Variants in MARCHF1 observed in about 807,000 individuals in gnomAD.
MARCHF1 encodes membrane associated ring-CH-type finger 1.
MARCHF1 carries 40 observed loss-of-function variants against 54.2 expected under a neutral mutation model. That is an observed-to-expected ratio of 0.74 (90% CI 0.57 to 0.96). The LOEUF (loss-of-function observed/expected upper bound fraction) is 0.96. Ranked by LOEUF, MARCHF1 falls within the 40% of genes least tolerant of loss-of-function variation. The pLI, the probability that MARCHF1 is intolerant of heterozygous loss-of-function variation, is 0.00. For missense variants in MARCHF1, 586 were observed against 656.5 expected (o/e 0.89, Z 1.17); for synonymous variants, 236 against 236.3 (o/e 1.00, Z 0.01).
At chr4:163,607,110 A>G (rs1039337496) in intron 7 of MARCHF1, among the ~76,000 whole-genome samples, 1 of 152,046 alleles carries the variant, frequency 6.6e-6, no homozygotes, top group African/African-American at 2.4e-5. Flanking sequence ...AGAGAACCAC[A>G]TTGTTTCTGG....
intron 2 of MARCHF1, among the ~76,000 whole-genome samples, chr4:164,010,348 C>T (rs1286016275): frequency 4.6e-5 from 7 of 151,808 alleles, no homozygotes; most frequent in East Asian, 3.9e-4. Context: ...CTGCCAGCCT[C>T]GGCCTCCCAA....
chr4:163,820,731 C>A (rs1248849290), intron 4 of MARCHF1, among the ~76,000 whole-genome samples: 3 of 151,972 alleles, frequency 2.0e-5, no homozygotes, highest in Admixed American at 1.3e-4. Flanking sequence ...TACATTCAAT[C>A]CATCACTAAA....
intron 5 of MARCHF1, among the ~76,000 whole-genome samples, chr4:163,646,836 G>A (rs954931307): frequency 3.3e-5 from 5 of 152,026 alleles, no homozygotes; most frequent in Admixed American, 1.3e-4. Context: ...GATAGCAAGA[G>A]AGGAAGAAAA....
At chr4:163,685,756 T>G (rs1298091616) in intron 5 of MARCHF1, among the ~76,000 whole-genome samples, 1 of 152,166 alleles carries the variant, frequency 6.6e-6, no homozygotes, top group Non-Finnish European at 1.5e-5. Flanking sequence ...ACCCGGCCAA[T>G]TCTCCAATTA....
intron 7 of MARCHF1, among the ~76,000 whole-genome samples, chr4:163,586,170 A>G (rs1393610936): frequency 2.0e-5 from 3 of 152,206 alleles, no homozygotes; most frequent in Admixed American, 6.5e-5. Context: ...GAGCACCAAC[A>G]TAATGCTGTG....
chr4:164,250,108 G>A lies in MARCHF1; in HGVS notation c.-323+133762C>T, dbSNP rs1336100521. Among the ~76,000 whole-genome samples the A allele has an allele frequency of 2.6e-5, 4 of 152,080 alleles. No homozygotes were observed. The East Asian group carries it at 7.7e-4, about 29-fold the overall frequency. On this transcript the variant is annotated intron_variant, in intron 1 of 9. Transcript: ENST00000514618. ...TCAGTTTGTGTCATGCTAAATTAGA[G>A]GAAGAGGTGGAAAACTTAGGTGATG...
At chr4:163,984,555 A>T (rs1159819661) in intron 3 of MARCHF1, among the ~76,000 whole-genome samples, 4 of 152,152 alleles carry the variant, frequency 2.6e-5, no homozygotes, top group African/African-American at 4.8e-5. Flanking sequence ...CCACTCATAG[A>T]CACATTTGCT....
rs566766124 is a variant in MARCHF1 at position 163,811,350 on chromosome 4, G to C, written c.111+42671C>G. On this transcript the variant is annotated intron_variant, in intron 4 of 9. Transcript: ENST00000514618. Reference sequence around the variant, plus strand: ...TGATAGCTTAACTGCCAAAATAAAAGTTCCTAAATATTTTGTCTTAAGGAA... The same window carrying C: ...TGATAGCTTAACTGCCAAAATAAAACTTCCTAAATATTTTGTCTTAAGGAA... Among the ~76,000 whole-genome samples, 15 of 152,188 alleles carry C rather than the reference G, an allele frequency of 9.9e-5. No individual in the cohort carries two copies. The South Asian group carries it at 2.7e-3, about 27-fold the overall frequency.
At chr4:164,107,745 A>G (rs910291816) in intron 2 of MARCHF1, among the ~76,000 whole-genome samples, 1 of 152,172 alleles carries the variant, frequency 6.6e-6, no homozygotes, top group Non-Finnish European at 1.5e-5. Context: ...ATAATCTAGA[A>G]GTGCAGTAAC....
chr4:163,780,860 AAG>A (rs1384469955), intron 4 of MARCHF1, among the ~76,000 whole-genome samples: 10 of 152,302 alleles, frequency 6.6e-5, no homozygotes, highest in Admixed American at 2.0e-4. Flanking sequence ...CCTGGCCAAA[AAG>A]AGTGCCACCT....
intron 3 of MARCHF1, among the ~76,000 whole-genome samples, chr4:163,875,232 C>T (rs1206777149): frequency 6.6e-6 from 1 of 151,866 alleles, no homozygotes; most frequent in Non-Finnish European, 1.5e-5. Flanking sequence ...AAAAAAATTC[C>T]CCAATTTATC....
At chr4:164,199,665 C>CAGAGAG (rs1731387647) in intron 1 of MARCHF1, among the ~76,000 whole-genome samples, 1 of 84,010 alleles carries the variant, frequency 1.2e-5, no homozygotes, top group African/African-American at 4.4e-5. Context: ...CACACACACA[C>CAGAGAG]ACACACACAC....
intron 5 of MARCHF1, among the ~76,000 whole-genome samples, chr4:163,632,397 C>T (rs935374742): frequency 1.1e-4 from 17 of 152,236 alleles, no homozygotes; most frequent in South Asian, 8.3e-4. Flanking sequence ...ATGCACTGTG[C>T]GCCAGCCGAA....
At chr4:164,101,100 T>G (rs144829304) in intron 2 of MARCHF1, among the ~76,000 whole-genome samples, 1 of 152,182 alleles carries the variant, frequency 6.6e-6, no homozygotes, top group Non-Finnish European at 1.5e-5. Flanking sequence ...CGCACCTGGC[T>G]CGGAGGGTCC....
At chr4:163,688,761 T>C (rs922959237) in intron 5 of MARCHF1, among the ~76,000 whole-genome samples, 16 of 152,144 alleles carry the variant, frequency 1.1e-4, no homozygotes, top group Admixed American at 9.8e-4. Flanking sequence ...CTGAGTACTG[T>C]CTTCTATGCC....
chr4:164,276,940 A>ATG (rs1733899589), intron 1 of MARCHF1, among the ~76,000 whole-genome samples: 5 of 119,240 alleles, frequency 4.2e-5, no homozygotes, highest in Non-Finnish European at 9.3e-5. Context: ...TATTCTATAT[A>ATG]TATATATAGA....
At chr4:164,195,737 C>T (rs1320243821) in intron 1 of MARCHF1, among the ~76,000 whole-genome samples, 1 of 152,176 alleles carries the variant, frequency 6.6e-6, no homozygotes, top group Admixed American at 6.5e-5. Flanking sequence ...AATGACACTT[C>T]ACATATGGTC....
At chr4:164,140,281 A>G (rs952100763) in intron 1 of MARCHF1, among the ~76,000 whole-genome samples, 5 of 150,998 alleles carry the variant, frequency 3.3e-5, no homozygotes, top group East Asian at 1.9e-4. Context: ...CAATTGTCCT[A>G]TAGAATTGAT....
At chr4:163,937,922 C>T (rs1472015525) in intron 3 of MARCHF1, among the ~76,000 whole-genome samples, 1 of 152,138 alleles carries the variant, frequency 6.6e-6, no homozygotes, top group Non-Finnish European at 1.5e-5. Context: ...TCCTCCACCC[C>T]TTGATTCCCA....
Sources: gnomAD v4.1 joint callset for allele counts (sites outside exome capture counted in the v4.1 genomes callset) on GRCh38, gnomAD v4.1.1 for gene constraint, MANE v1.5 for transcripts, NCBI Gene and HGNC (gene_info 2026-07-23, HGNC 2026-07-21) for gene names.